Variants in NUMBL observed in about 807,000 individuals in gnomAD.
NUMBL encodes numb-like protein.
In NUMBL, 20 loss-of-function variants were observed where a neutral mutation model predicts 48.9. That is an observed-to-expected ratio of 0.41 (90% CI 0.29 to 0.59). NUMBL has a LOEUF of 0.59. Among genes scored for constraint, NUMBL ranks in the 20% least tolerant of loss-of-function variants. NUMBL has a pLI of 0.31. For missense variants in NUMBL, 660 were observed against 846.2 expected (o/e 0.78, Z 2.73); for synonymous variants, 340 against 348.7 (o/e 0.98, Z 0.28).
In NUMBL at chr19:40,688,059, G is replaced by C. The variant is rs547867095; in HGVS notation, c.25-1064C>G. On this transcript the variant is annotated intron_variant, in intron 1 of 9. Transcript: ENST00000252891. This position sits in a 1 kb window ranked among gnomAD's most constrained non-coding sequence, Gnocchi z 4.6. Reference sequence around the variant, plus strand: ...ACAGAGGTACTGATGGCCACAGCATGCAACCACCCACAAACAACTGTCCCC... The same window carrying C: ...ACAGAGGTACTGATGGCCACAGCATCCAACCACCCACAAACAACTGTCCCC... Among the ~76,000 whole-genome samples, 22 of 152,232 alleles carry C rather than the reference G, an allele frequency of 1.4e-4. No individual in the cohort carries two copies. The highest frequency in any genetic ancestry group is 5.3e-4 in the African/African-American group (22 of 41,520).
chr19:40,690,214 TG>T (rs900608727), intron 1 of NUMBL: 2 of 359,244 alleles, frequency 5.6e-6, no homozygotes, highest in Admixed American at 4.7e-5. Context: ...CTTGGTTTTG[TG>T]GGGGGTCTGT....
intron 2 of NUMBL, 110 bp downstream of exon 2, chr19:40,686,801 C>G (rs2081937262): frequency 1.4e-6 from 1 of 714,702 alleles, no homozygotes. Flanking sequence ...TGAGGGTGTC[C>G]ACTCATGAGT....
At position 40,677,371 on chromosome 19, in the gene NUMBL, C is replaced by T. The variant is rs745633873; in HGVS notation, c.591G>A (p.Glu197=). The stretch of plus-strand genomic sequence containing the variant: ...ATTCCTTCTCCCGTCGCTGTTTTCG[C>T]TCCAGGCAGGCGGCAAAAGCACAGC... The part of the protein sequence containing the change: ...AVGCAFAACL[E]RKQRREKECG... The change falls in exon 7 of 10, where the codon GAG becomes GAA. Residue 197 remains glutamate (E), a synonymous_variant. Transcript: ENST00000252891. 10 of 1,611,770 alleles carry T rather than the reference C, an allele frequency of 6.2e-6. No homozygotes were observed. Among genetic ancestry groups the T allele is most frequent in the Non-Finnish European group, 7.6e-6 (9 of 1,179,952 alleles).
rs1045516622 is a variant in NUMBL at position 40,690,496 on chromosome 19, C to A, written c.-13G>T. ...CGCTGCGGGACATCCAGGGCCCGGG[C>A]GCCCCCGCCTCCCGCGGCCCTGGCT... On this transcript the variant is annotated 5_prime_UTR_variant, in exon 1 of 10. Coordinates refer to ENST00000252891, the MANE Select transcript of NUMBL (RefSeq NM_004756.5). 24 of 1,280,518 alleles carry A rather than the reference C, an allele frequency of 1.9e-5. No individual in the cohort carries two copies. The African/African-American group carries it at 2.2e-4, about 11-fold the overall frequency. The allele number at this position is 1,280,518 out of a possible 1,614,324, so 79.3% of individuals were successfully genotyped here. A position where few individuals can be genotyped will look rare whatever the true frequency, so the allele number is the denominator to read the frequency against.
chr19:40,687,789 C>A lies in NUMBL; in HGVS notation c.25-794G>T, dbSNP rs149258355. ...ATCGCAGCTATATACACTTGTTACA[C>A]GTATCTCCACTGCTGCACACTGACA... is the stretch of plus-strand genomic sequence containing the variant. On this transcript the variant is annotated intron_variant, in intron 1 of 9. Transcript: ENST00000252891. This position sits in a 1 kb window ranked among gnomAD's most constrained non-coding sequence, Gnocchi z 4.6. 6.6e-6 allele frequency among the ~76,000 whole-genome samples: 1 copy of A among 152,208 alleles called. No individual in the cohort carries two copies. The highest frequency in any genetic ancestry group is 1.9e-4 in the East Asian group (1 of 5,198).
chr19:40,666,013 C>T lies in NUMBL; in HGVS notation c.*1455G>A, dbSNP rs1051142629. On this transcript the variant is annotated 3_prime_UTR_variant, in exon 10 of 10. Transcript: ENST00000252891. ...ATAGCAAGACTGTAAAACGTTGCCA[C>T]ATCAGGTGACACTTTGGCCAGAGTT... is the stretch of plus-strand genomic sequence containing the variant. 2.0e-5 allele frequency: 3 copies of T among 152,128 alleles called. No homozygotes were observed. The highest frequency in any genetic ancestry group is 7.2e-5 in the African/African-American group (3 of 41,416). The allele number at this position is 152,128 out of a possible 1,614,324, so 9.4% of individuals were successfully genotyped here. A position where few individuals can be genotyped will look rare whatever the true frequency, so the allele number is the denominator to read the frequency against.
Position 40,677,303 on chromosome 19 carries a change from G to A in NUMBL, c.659C>T (p.Ala220Val), listed in dbSNP as rs934444142. 2.5e-6 allele frequency: 4 copies of A among 1,611,144 alleles called. No individual in the cohort carries two copies. The African/African-American group carries it at 4.0e-5, about 16-fold the overall frequency. The change falls in exon 7 of 10, where the codon GCC becomes GTC. Residue 220 changes from alanine to valine, a missense_variant. Ala to Val is a moderately conservative substitution (Grantham distance 64, BLOSUM62 0). This residue lies in a region of NUMBL where 278 missense variants were observed against 420.6 expected (regional missense o/e 0.66). Coordinates refer to ENST00000252891, the MANE Select transcript of NUMBL (RefSeq NM_004756.5). ...AAFDASRTSF[A>V]REGSFRLSGG... ...AGACAGGCGGAAGGAGCCCTCGCGGGCGAAGCTGGTGCGGCTGGCATCGAA... is the reference window on the plus strand; with the variant it reads ...AGACAGGCGGAAGGAGCCCTCGCGGACGAAGCTGGTGCGGCTGGCATCGAA...
chr19:40,680,924 T>C lies in NUMBL; in HGVS notation c.533A>G (p.Lys178Arg). Residue 178 changes from lysine (K) to arginine (R), a missense_variant, in exon 6 of 10, where the codon AAG becomes AGG. This residue lies in a region of NUMBL where 278 missense variants were observed against 420.6 expected (regional missense o/e 0.66). Transcript: ENST00000252891. ...RWICHCFLAL[K>R]DSGERLSHAV... The stretch of plus-strand genomic sequence containing the variant: ...AGCTGTGGCAATACTCACGGAGTCC[T>C]TCAGTGCCAGAAAACAGTGGCAGAT... The C allele has an allele frequency of 6.2e-7, 1 of 1,614,130 alleles. No individual in the cohort carries two copies.
At chr19:40,684,377 C>T (rs766529018) in intron 3 of NUMBL, 40 bp downstream of exon 3, 76 of 1,531,228 alleles carry the variant, frequency 5.0e-5, no homozygotes, top group Non-Finnish European at 5.7e-5. Context: ...CAGCGGCCCC[C>T]GTCCCCCTCG....
At chr19:40,668,485 C>T (rs969295525) in intron 9 of NUMBL, among the ~76,000 whole-genome samples, 28 of 152,186 alleles carry the variant, frequency 1.8e-4, no homozygotes, top group African/African-American at 6.3e-4. Flanking sequence ...GTTGTCTGTT[C>T]GTTTTGAGAG....
In NUMBL at chr19:40,682,915, A is replaced by G. The variant is rs368238663; in HGVS notation, c.303T>C (p.Asp101=). The G allele has an allele frequency of 1.9e-6, 3 of 1,612,844 alleles. No individual in the cohort carries two copies. The highest frequency in any genetic ancestry group is 2.7e-5 in the African/African-American group (2 of 74,510). ...EESRGMHVCE[D]AVKKLKAMGR... ...TCACCGCCTTCAGCTTCTTCACCGC[A>G]TCTTCACACACGTGCATTCCCCGGG... The change falls in exon 4 of 10, where the codon GAT becomes GAC. Residue 101 remains aspartate (D), a synonymous_variant. Coordinates refer to ENST00000252891, the MANE Select transcript of NUMBL (RefSeq NM_004756.5). This position sits in a 1 kb window ranked among gnomAD's most constrained non-coding sequence, Gnocchi z 4.0.
At chr19:40,681,707 C>G (rs1223966161) in intron 5 of NUMBL, among the ~76,000 whole-genome samples, 1 of 152,128 alleles carries the variant, frequency 6.6e-6, no homozygotes, top group Non-Finnish European at 1.5e-5. Flanking sequence ...GAGTCTTGCT[C>G]TGTCACCCAG....
intron 8 of NUMBL, among the ~76,000 whole-genome samples, chr19:40,671,547 G>A (rs540961914): frequency 3.9e-5 from 6 of 152,240 alleles, no homozygotes; most frequent in South Asian, 2.1e-4. Context: ...GTCAGGCTGC[G>A]TTAAGGACAG....
At chr19:40,670,058 C>T in intron 8 of NUMBL, 38 bp from the exon 9 acceptor site, 1 of 1,601,128 alleles carries the variant, frequency 6.2e-7, no homozygotes, top group Non-Finnish European at 8.5e-7. Context: ...GCAAACAGGC[C>T]CAGACCCTGC....
rs1019742988 is a variant in NUMBL, at chr19:40,673,913, G to C, written c.731-264C>G. Among the ~76,000 whole-genome samples the C allele has an allele frequency of 2.0e-5, 3 of 152,020 alleles. No homozygotes were observed. Among genetic ancestry groups the C allele is most frequent in the African/African-American group, 4.8e-5 (2 of 41,364 alleles). On this transcript the variant is annotated intron_variant, in intron 7 of 9. Transcript: ENST00000252891. This position sits in a 1 kb window ranked among gnomAD's most constrained non-coding sequence, Gnocchi z 5.9. ...CTGCCCCTTTCTGTCTTGCCCTGCT[G>C]CTCTCACCATTCTTCCCTCTAAGAC...
At chr19:40,679,250 C>T (rs531381901) in intron 6 of NUMBL, among the ~76,000 whole-genome samples, 2 of 152,270 alleles carry the variant, frequency 1.3e-5, no homozygotes, top group East Asian at 1.9e-4. Flanking sequence ...GGCATGGTGG[C>T]GTGTGCCTGT....
At chr19:40,689,209 C>G (rs1052000771) in intron 1 of NUMBL, among the ~76,000 whole-genome samples, 1 of 152,146 alleles carries the variant, frequency 6.6e-6, no homozygotes, top group African/African-American at 2.4e-5. Context: ...CACATACTGT[C>G]ACATACCCAG....
At chr19:40,679,042 G>T (rs1646179398) in intron 6 of NUMBL, among the ~76,000 whole-genome samples, 1 of 152,166 alleles carries the variant, frequency 6.6e-6, no homozygotes, top group Admixed American at 6.5e-5. Flanking sequence ...AGTGAGCCAA[G>T]ATCGTGCCAC....
chr19:40,668,583 T>A (rs1272412158), intron 9 of NUMBL, among the ~76,000 whole-genome samples: 3 of 152,090 alleles, frequency 2.0e-5, no homozygotes, highest in Non-Finnish European at 4.4e-5. Context: ...CTCAGTCTCC[T>A]GAGTAGCTGG....
Sources: gnomAD v4.1 joint callset for allele counts (sites outside exome capture counted in the v4.1 genomes callset) on GRCh38, gnomAD v4.1.1 for gene constraint, gnomAD v4.1.1 regional missense constraint, Gnocchi (gnomAD v3.1) non-coding constraint, MANE v1.5 for transcripts, NCBI Gene and HGNC (gene_info 2026-07-23, HGNC 2026-07-21) for gene names.